Variants in LRMDA observed in about 807,000 individuals in gnomAD.
LRMDA encodes the protein leucine rich melanocyte differentiation associated.
In LRMDA, 18 loss-of-function variants were observed where a neutral mutation model predicts 29.8. The ratio of observed to expected loss-of-function variants is 0.60; its 90% CI spans 0.42 to 0.90. LRMDA has a LOEUF of 0.90. Among genes scored for constraint, LRMDA ranks in the 40% least tolerant of loss-of-function variants. The pLI, the probability that LRMDA is intolerant of heterozygous loss-of-function variation, is 0.00. For missense variants in LRMDA, 273 were observed against 273.9 expected (o/e 1.00, Z 0.02); for synonymous variants, 125 against 109.4 (o/e 1.14, Z -0.89).
intron 6 of LRMDA, among the ~76,000 whole-genome samples, chr10:76,493,991 C>T (rs1476138506): frequency 6.6e-6 from 1 of 151,760 alleles, no homozygotes; most frequent in Non-Finnish European, 1.5e-5. Context: ...TTATATGTAC[C>T]TTTAATTGAT....
intron 2 of LRMDA, among the ~76,000 whole-genome samples, chr10:75,663,932 A>G (rs2132137091): frequency 6.6e-6 from 1 of 152,286 alleles, no homozygotes; most frequent in Middle Eastern, 3.4e-3. Context: ...GGCTCCTTAG[A>G]ATATACTCAG....
At chr10:75,649,324 A>G (rs1465349673) in intron 2 of LRMDA, among the ~76,000 whole-genome samples, 2 of 152,208 alleles carry the variant, frequency 1.3e-5, no homozygotes, top group Admixed American at 6.5e-5. Flanking sequence ...CACTGTATGT[A>G]TAGATCACAT....
intron 2 of LRMDA, among the ~76,000 whole-genome samples, chr10:75,858,288 G>T (rs1163041606): frequency 6.6e-6 from 1 of 152,206 alleles, no homozygotes; most frequent in African/African-American, 2.4e-5. Flanking sequence ...CTGATAGCTT[G>T]CAGGAGCCCT....
intron 2 of LRMDA, among the ~76,000 whole-genome samples, chr10:75,548,594 G>A (rs921432902): frequency 6.6e-6 from 1 of 152,110 alleles, no homozygotes; most frequent in Admixed American, 6.5e-5. Flanking sequence ...CTGCTTCTCA[G>A]AACTCCTTTT....
chr10:76,022,546 T>G (rs771880953), intron 2 of LRMDA, among the ~76,000 whole-genome samples: 12 of 152,132 alleles, frequency 7.9e-5, no homozygotes, highest in Non-Finnish European at 1.3e-4. Flanking sequence ...AGGGAGTAAA[T>G]ACAGAAGTGG....
At chr10:75,697,609 C>T (rs1842251946) in intron 2 of LRMDA, among the ~76,000 whole-genome samples, 1 of 151,126 alleles carries the variant, frequency 6.6e-6, no homozygotes, top group Admixed American at 6.6e-5. Flanking sequence ...TCACTAATGT[C>T]TATGGGAGAC....
intron 5 of LRMDA, among the ~76,000 whole-genome samples, chr10:76,307,930 C>T (rs367789716): frequency 2.7e-4 from 41 of 152,292 alleles, no homozygotes; most frequent in African/African-American, 9.6e-4. Context: ...GATTTCATGA[C>T]TTACCATCAA....
intron 2 of LRMDA, among the ~76,000 whole-genome samples, chr10:75,785,356 A>G (rs1054911811): frequency 1.3e-4 from 1 of 7,654 alleles, no homozygotes; most frequent in African/African-American, 1.3e-3. Flanking sequence ...GGTGTGGAGG[A>G]GCAAAGCTCT....
chr10:76,010,520 AC>A (rs1847759814), intron 2 of LRMDA, among the ~76,000 whole-genome samples: 1 of 151,876 alleles, frequency 6.6e-6, no homozygotes, highest in Admixed American at 6.6e-5. Flanking sequence ...CACTGTGTTA[AC>A]CAGGATGGTC....
At chr10:75,981,573 G>A (rs1001683976) in intron 2 of LRMDA, among the ~76,000 whole-genome samples, 1 of 152,188 alleles carries the variant, frequency 6.6e-6, no homozygotes, top group Non-Finnish European at 1.5e-5. Context: ...GAGTGAGTGG[G>A]CCGGGCACGG....
At position 76,290,722 on chromosome 10, in the gene LRMDA, T is replaced by C. The variant is rs117659397; in HGVS notation, c.517-33679T>C. On this transcript the variant is annotated intron_variant, in intron 5 of 6. Coordinates refer to ENST00000611255, the MANE Select transcript of LRMDA (RefSeq NM_001305581.2). ...CAGGCCTGAGCCACTGCCCTCAGAC[T>C]CTGTCCTCTATTCCAATGGTGGTGG... 2.6e-4 allele frequency among the ~76,000 whole-genome samples: 40 copies of C among 152,292 alleles called. No homozygotes were observed. The East Asian group carries it at 7.4e-3, about 28-fold the overall frequency.
At chr10:76,203,329 C>T (rs749939175) in intron 5 of LRMDA, among the ~76,000 whole-genome samples, 10 of 152,166 alleles carry the variant, frequency 6.6e-5, no homozygotes, top group Admixed American at 1.3e-4. Context: ...ATAGAGACTG[C>T]GTCTCACTCA....
chr10:75,918,622 A>G (rs1845974264), intron 2 of LRMDA, among the ~76,000 whole-genome samples: 1 of 152,154 alleles, frequency 6.6e-6, no homozygotes. Context: ...CCAACATGAG[A>G]TTTAGAAGGG....
In LRMDA at chr10:75,588,794, T is replaced by C. The variant is rs114600751; in HGVS notation, c.131+150300T>C. 7.5e-3 allele frequency among the ~76,000 whole-genome samples: 1,143 copies of C among 152,310 alleles called. 13 individuals carry two copies. Among genetic ancestry groups the C allele is most frequent in the African/African-American group, 0.026 (1,092 of 41,572 alleles). On this transcript the variant is annotated intron_variant, in intron 2 of 6. Transcript: ENST00000611255. ...TTCTTTTGTATTTTTTCAGAGTTTC[T>C]AAAATTTTATATGTATAAGCAAGCA...
chr10:76,028,256 A>G (rs1848093454), intron 2 of LRMDA, among the ~76,000 whole-genome samples: 1 of 152,150 alleles, frequency 6.6e-6, no homozygotes, highest in Non-Finnish European at 1.5e-5. Context: ...TATTATTGAC[A>G]AATTTCCTTG....
chr10:76,128,802 A>AG (rs1849933573), intron 5 of LRMDA, among the ~76,000 whole-genome samples: 1 of 152,154 alleles, frequency 6.6e-6, no homozygotes, highest in African/African-American at 2.4e-5. Flanking sequence ...AGAGCTCATC[A>AG]GGGAGGCAAT....
intron 2 of LRMDA, chr10:75,451,807 C>T (rs1055019914): frequency 1.3e-5 from 2 of 150,856 alleles, no homozygotes; most frequent in African/African-American, 4.9e-5. Flanking sequence ...GCAGCTAAGG[C>T]GAGGCAGGAT....
intron 5 of LRMDA, among the ~76,000 whole-genome samples, chr10:76,142,246 A>G (rs576509023): frequency 1.9e-4 from 29 of 152,212 alleles, no homozygotes; most frequent in African/African-American, 4.6e-4. Context: ...CACACTATCA[A>G]TTGGTTTATG....
intron 2 of LRMDA, among the ~76,000 whole-genome samples, chr10:75,729,557 G>A (rs1842670345): frequency 6.6e-6 from 1 of 152,186 alleles, no homozygotes; most frequent in East Asian, 1.9e-4. Flanking sequence ...CTGAAACCAA[G>A]AGAGTTTAGT....
Sources: allele counts gnomAD v4.1 joint callset (sites outside exome capture counted in the v4.1 genomes callset), GRCh38; gene constraint gnomAD v4.1.1; transcripts MANE v1.5; gene names NCBI Gene and HGNC (gene_info 2026-07-23, HGNC 2026-07-21).